Variants in LRMDA observed in about 807,000 individuals in gnomAD.
LRMDA encodes leucine rich melanocyte differentiation associated.
LRMDA carries 18 observed loss-of-function variants against 29.8 expected under a neutral mutation model. The ratio of observed to expected loss-of-function variants is 0.60; its 90% CI spans 0.42 to 0.90. The LOEUF (loss-of-function observed/expected upper bound fraction) is 0.90. LRMDA is among the 40% of genes least tolerant of loss of function. LRMDA has a pLI of 0.00. For synonymous variants in LRMDA, 125 were observed against 109.4 expected, an observed-to-expected ratio of 1.14 and a Z score of -0.89; for missense variants, 273 against 273.9, an observed-to-expected ratio of 1.00 and a Z score of 0.02.
At chr10:76,053,271 T>C (rs575473584) in intron 4 of LRMDA, among the ~76,000 whole-genome samples, 1 of 152,308 alleles carries the variant, frequency 6.6e-6, no homozygotes, top group South Asian at 2.1e-4. Context: ...AGGGATGTCA[T>C]CTGGACTAGC....
chr10:75,829,841 C>CTTT lies in LRMDA; in HGVS notation c.132-206145_132-206143dup, dbSNP rs34025294. On this transcript the variant is annotated intron_variant, in intron 2 of 6. Coordinates refer to ENST00000611255, the MANE Select transcript of LRMDA (RefSeq NM_001305581.2). ...AATGCATACATTTTTGAATAGGCCACTTTTTTTTTTTTTTTTTTTTTTTTG... is the reference window on the plus strand; with the variant it reads ...AATGCATACATTTTTGAATAGGCCACTTTTTTTTTTTTTTTTTTTTTTTTTTTG... 4.9e-3 allele frequency among the ~76,000 whole-genome samples: 437 copies of CTTT among 89,244 alleles called. 2 individuals carry two copies. Among genetic ancestry groups the CTTT allele is most frequent in the Middle Eastern group, 7.7e-3 (1 of 130 alleles). The allele number at this position is 89,244 out of a possible 152,430, so 58.5% of individuals were successfully genotyped here.
At chr10:76,548,269 C>T (rs1321932490) in intron 6 of LRMDA, among the ~76,000 whole-genome samples, 3 of 152,052 alleles carry the variant, frequency 2.0e-5, no homozygotes, top group Admixed American at 2.0e-4. Flanking sequence ...AATTCTTTCT[C>T]AGCTTGAGAA....
At chr10:76,441,634 A>C (rs1484743048) in intron 6 of LRMDA, among the ~76,000 whole-genome samples, 2 of 152,180 alleles carry the variant, frequency 1.3e-5, no homozygotes. Flanking sequence ...TTGGAATTGC[A>C]CAGGGGGAGT....
intron 2 of LRMDA, among the ~76,000 whole-genome samples, chr10:75,810,768 A>G (rs1039975518): frequency 3.3e-5 from 5 of 152,198 alleles, no homozygotes; most frequent in African/African-American, 1.2e-4. Context: ...AAGTGAGGGT[A>G]AGGAAAGAGG....
At chr10:75,481,298 A>G (rs1844853645) in intron 2 of LRMDA, among the ~76,000 whole-genome samples, 1 of 152,152 alleles carries the variant, frequency 6.6e-6, no homozygotes, top group Non-Finnish European at 1.5e-5. Context: ...ACTGGAGAGT[A>G]GAGGGAAACC....
chr10:75,943,121 C>G (rs897231962), intron 2 of LRMDA, among the ~76,000 whole-genome samples: 2 of 146,458 alleles, frequency 1.4e-5, no homozygotes, highest in Non-Finnish European at 3.0e-5. Flanking sequence ...TTAAAGGGTT[C>G]TAAATTGGAT....
intron 5 of LRMDA, among the ~76,000 whole-genome samples, chr10:76,265,134 G>T (rs748574131): frequency 4.6e-5 from 7 of 152,216 alleles, no homozygotes; most frequent in Non-Finnish European, 1.0e-4. Context: ...CTCTGTGACT[G>T]AGTGCGTGAA....
At chr10:76,322,636 T>C (rs1253568113) in intron 5 of LRMDA, among the ~76,000 whole-genome samples, 1 of 152,194 alleles carries the variant, frequency 6.6e-6, no homozygotes, top group Non-Finnish European at 1.5e-5. Flanking sequence ...GTTCCAGTAA[T>C]TGTAGAAAAA....
At chr10:75,584,396 C>T (rs573582450) in intron 2 of LRMDA, among the ~76,000 whole-genome samples, 2 of 152,196 alleles carry the variant, frequency 1.3e-5, no homozygotes, top group Admixed American at 1.3e-4. Context: ...CATTCTAAGC[C>T]TTTTTTTGTG....
chr10:75,913,695 A>G (rs1589251246), intron 2 of LRMDA, among the ~76,000 whole-genome samples: 1 of 152,098 alleles, frequency 6.6e-6, no homozygotes, highest in Admixed American at 6.5e-5. Context: ...CCTTGGGCTC[A>G]CCTGCCAGGC....
intron 5 of LRMDA, among the ~76,000 whole-genome samples, chr10:76,129,854 C>T (rs1849955066): frequency 6.6e-6 from 1 of 152,234 alleles, no homozygotes; most frequent in Admixed American, 6.5e-5. Flanking sequence ...AGCAAGGGGT[C>T]TTCAACCAGA....
chr10:75,736,764 T>C (rs1174479760), intron 2 of LRMDA, among the ~76,000 whole-genome samples: 2 of 152,220 alleles, frequency 1.3e-5, no homozygotes, highest in African/African-American at 4.8e-5. Context: ...GTGTGCATAA[T>C]GAGTTCATTT....
At chr10:75,496,409 TCAA>T (rs1214545524) in intron 2 of LRMDA, among the ~76,000 whole-genome samples, 1 of 152,250 alleles carries the variant, frequency 6.6e-6, no homozygotes, top group Non-Finnish European at 1.5e-5. Context: ...TAGTAGGTCC[TCAA>T]CAAAAGTTAA....
chr10:75,861,402 G>A (rs1197009735), intron 2 of LRMDA, among the ~76,000 whole-genome samples: 1 of 152,220 alleles, frequency 6.6e-6, no homozygotes, highest in African/African-American at 2.4e-5. Context: ...TGTGAATAAT[G>A]GGAGAACAAG....
intron 2 of LRMDA, among the ~76,000 whole-genome samples, chr10:75,618,378 C>CTATATATA (rs1442553253): frequency 6.4e-5 from 4 of 62,616 alleles, no homozygotes; most frequent in African/African-American, 2.1e-4. Context: ...CTCTCTCTCT[C>CTATATATA]TCTCTATATA....
chr10:75,736,685 C>T (rs1355157508), intron 2 of LRMDA, among the ~76,000 whole-genome samples: 3 of 152,192 alleles, frequency 2.0e-5, no homozygotes, highest in Admixed American at 6.5e-5. Context: ...GCAGCAGCAT[C>T]GGCTTCAAGA....
chr10:76,405,798 TCTC>T (rs1299901845), intron 6 of LRMDA, among the ~76,000 whole-genome samples: 1 of 152,186 alleles, frequency 6.6e-6, no homozygotes, highest in African/African-American at 2.4e-5. Context: ...ATTCCTATAC[TCTC>T]CTCAGCCCCC....
intron 5 of LRMDA, among the ~76,000 whole-genome samples, chr10:76,081,397 G>A (rs1011842252): frequency 1.3e-4 from 20 of 152,262 alleles, no homozygotes; most frequent in African/African-American, 4.1e-4. Context: ...AGGCTGCAGT[G>A]AGCCATGATC....
At chr10:75,799,404 A>G (rs1564570814) in intron 2 of LRMDA, among the ~76,000 whole-genome samples, 1 of 151,908 alleles carries the variant, frequency 6.6e-6, no homozygotes, top group South Asian at 2.1e-4. Flanking sequence ...CAGCCTATAT[A>G]TGTTTTTTAT....
Sources: allele counts gnomAD v4.1 joint callset (sites outside exome capture counted in the v4.1 genomes callset), GRCh38; gene constraint gnomAD v4.1.1; transcripts MANE v1.5; gene names NCBI Gene and HGNC (gene_info 2026-07-23, HGNC 2026-07-21).